Variants in TTC8 observed in about 807,000 individuals in gnomAD.
TTC8 encodes the protein tetratricopeptide repeat protein 8.
Under a neutral mutation model 72.5 loss-of-function variants are expected in TTC8, and 47 were observed. The ratio of observed to expected loss-of-function variants is 0.65; its 90% CI spans 0.51 to 0.83. TTC8 has a LOEUF of 0.83. Among genes scored for constraint, TTC8 ranks in the 40% least tolerant of loss-of-function variants. The pLI is 0.00. For missense variants in TTC8, 611 were observed against 623.2 expected (o/e 0.98, Z 0.21); for synonymous variants, 199 against 221.4 (o/e 0.90, Z 0.90).
At chr14:88,827,530 G>A (rs1004347810) in intron 1 of TTC8, among the ~76,000 whole-genome samples, 2 of 152,108 alleles carry the variant, frequency 1.3e-5, no homozygotes, top group African/African-American at 2.4e-5. Flanking sequence ...AGGAATAGAC[G>A]TTTAACTTGA....
chr14:88,853,136 G>A (rs74075892), intron 8 of TTC8, 80 bp downstream of exon 8: 51 of 1,002,870 alleles, frequency 5.1e-5, no homozygotes, highest in Admixed American at 9.1e-5. Context: ...TGAGGGGGGG[G>A]AGATTTTCCC....
Position 88,871,802 on chromosome 14 carries a change from A to C in TTC8, c.1224+79A>C. On this transcript the variant is annotated intron_variant, in intron 12 of 14. Coordinates refer to ENST00000380656, the MANE Select transcript of TTC8 (RefSeq NM_144596.4). This position sits in a 1 kb window ranked among gnomAD's most constrained non-coding sequence, Gnocchi z 4.1. ...CACAGTGGCTCATGCCTATAATTCC[A>C]GCATTTTGGGAGGCTGAAGCAGGAG... is the stretch of plus-strand genomic sequence containing the variant. 2.0e-6 allele frequency: 3 copies of C among 1,529,010 alleles called. No individual in the cohort carries two copies. Among genetic ancestry groups the C allele is most frequent in the Non-Finnish European group, 2.7e-6 (3 of 1,106,496 alleles). 94.7% of individuals were successfully genotyped at this position (1,529,010 alleles called of 1,614,324 possible).
chr14:88,846,374 A>AG (rs2094806691), intron 7 of TTC8, among the ~76,000 whole-genome samples: 1 of 152,108 alleles, frequency 6.6e-6, no homozygotes, highest in African/African-American at 2.4e-5. Context: ...ACCTCAATGA[A>AG]GGGGGACAGG....
rs575960949 is a variant in TTC8, at chr14:88,871,657, C to T, written c.1158C>T (p.Ala386=). 8.7e-6 allele frequency: 14 copies of T among 1,614,066 alleles called. No homozygotes were observed. In the South Asian group the frequency reaches 1.3e-4, roughly 15 times the overall value. The change falls in exon 12 of 15, where the codon GCC becomes GCT. Residue 386 remains alanine (A), a synonymous_variant. Transcript: ENST00000380656. The surrounding 1 kb of genome is among the most constrained non-coding windows in gnomAD (Gnocchi z 4.1). The stretch of plus-strand genomic sequence containing the variant: ...TGACTCTGACCTCATTTGAACGTGC[C>T]CTTTCTTTGGCTGAAAATGAAGAAG... ...YDMTLTSFER[A]LSLAENEEEA... is the part of the protein sequence containing the mutation.
At chr14:88,845,603 G>T (rs551610090) in intron 7 of TTC8, among the ~76,000 whole-genome samples, 2 of 152,072 alleles carry the variant, frequency 1.3e-5, no homozygotes, top group Admixed American at 1.3e-4. Flanking sequence ...AGCTGGTGAG[G>T]GGCTTTCAGC....
chr14:88,825,803 TGG>T (rs1337158587), intron 1 of TTC8, among the ~76,000 whole-genome samples: 1 of 152,064 alleles, frequency 6.6e-6, no homozygotes, highest in East Asian at 1.9e-4. Flanking sequence ...TCCCAGCAAA[TGG>T]ATGATGGATG....
intron 10 of TTC8, among the ~76,000 whole-genome samples, chr14:88,865,133 A>AG (rs1275055402): frequency 2.0e-5 from 3 of 152,326 alleles, no homozygotes; most frequent in Middle Eastern, 3.4e-3. Flanking sequence ...TTTCAAAGAC[A>AG]GGTCTTAATT....
rs147827911 is a variant in TTC8 at position 88,851,144 on chromosome 14, G to A, written c.625-1827G>A. Among the ~76,000 whole-genome samples, 285 of 152,114 alleles carry A rather than the reference G, an allele frequency of 1.9e-3. 1 individual carries two copies. The highest frequency in any genetic ancestry group is 3.2e-3 in the Admixed American group (49 of 15,270). The stretch of plus-strand genomic sequence containing the variant: ...CTAGAGTCAGATTGGAAAATAGGCT[G>A]CATTATACCAGCTTAGTTTAAAAAA... On this transcript the variant is annotated intron_variant, in intron 7 of 14. Coordinates refer to ENST00000380656, the MANE Select transcript of TTC8 (RefSeq NM_144596.4).
At chr14:88,826,700 G>A (rs2094702920) in intron 1 of TTC8, among the ~76,000 whole-genome samples, 1 of 152,106 alleles carries the variant, frequency 6.6e-6, no homozygotes, top group Admixed American at 6.5e-5. Context: ...GCGACAGAGA[G>A]ACTCTGTCTC....
At chr14:88,864,303 T>C (rs2094900645) in intron 10 of TTC8, among the ~76,000 whole-genome samples, 1 of 152,230 alleles carries the variant, frequency 6.6e-6, no homozygotes, top group South Asian at 2.1e-4. Context: ...GGACTCTAAA[T>C]TGAGTATGAA....
upstream of TTC8, chr14:88,824,179 T>A (rs1356009142): frequency 6.6e-6 from 1 of 152,372 alleles, no homozygotes; most frequent in Non-Finnish European, 1.5e-5. Context: ...GCGGACAATT[T>A]CAGGATTTAG....
At chr14:88,858,854 A>G (rs1413299847) in intron 9 of TTC8, among the ~76,000 whole-genome samples, 2 of 142,540 alleles carry the variant, frequency 1.4e-5, no homozygotes, top group Non-Finnish European at 3.0e-5. Context: ...CTCTGGCCTC[A>G]GCCTACCAAA....
chr14:88,855,996 A>T (rs2094854152), intron 8 of TTC8, among the ~76,000 whole-genome samples: 1 of 152,208 alleles, frequency 6.6e-6, no homozygotes, highest in African/African-American at 2.4e-5. Context: ...AAGACAGAGG[A>T]TTGCTTGAGC....
chr14:88,869,216 T>C (rs1199991867), intron 10 of TTC8, among the ~76,000 whole-genome samples: 1 of 152,208 alleles, frequency 6.6e-6, no homozygotes, highest in Admixed American at 6.5e-5. Flanking sequence ...GCCTTGAAGG[T>C]GGACTTGAGA....
chr14:88,827,333 G>T (rs1215462685), intron 1 of TTC8, among the ~76,000 whole-genome samples: 1 of 152,184 alleles, frequency 6.6e-6, no homozygotes, highest in Non-Finnish European at 1.5e-5. Flanking sequence ...ATGAGCAAGG[G>T]TTGATATGTT....
intron 1 of TTC8, among the ~76,000 whole-genome samples, chr14:88,826,125 C>T (rs1364167632): frequency 6.6e-6 from 1 of 151,736 alleles, no homozygotes; most frequent in Non-Finnish European, 1.5e-5. Context: ...GTAGCTGGGA[C>T]TACAGTTACG....
rs1262528240 is a variant in TTC8 at position 88,841,051 on chromosome 14, C to A, written c.344C>A (p.Ala115Asp). 6.2e-7 allele frequency: 1 copy of A among 1,614,100 alleles called. No individual in the cohort carries two copies. The highest frequency in any genetic ancestry group is 8.5e-7 in the Non-Finnish European group (1 of 1,179,992). The change falls in exon 5 of 15, where the codon GCT becomes GAT. Residue 115 changes from alanine (A) to aspartate (D), a missense_variant. Transcript: ENST00000380656. ...AATCTTCACAGGCCAATCACACAAGCTGGAAGACCCATTACAGGTTTCCTC... is the reference window on the plus strand; with the variant it reads ...AATCTTCACAGGCCAATCACACAAGATGGAAGACCCATTACAGGTTTCCTC... ...PSQAVRPITQ[A>D]GRPITGFLRP... is the part of the protein sequence containing the mutation.
intron 8 of TTC8, among the ~76,000 whole-genome samples, chr14:88,856,873 AT>A (rs2094858447): frequency 6.6e-6 from 1 of 152,168 alleles, no homozygotes; most frequent in African/African-American, 2.4e-5. Flanking sequence ...CACTTGCCAT[AT>A]GTCCAGCTGA....
At chr14:88,850,338 C>T (rs1024577505) in intron 7 of TTC8, among the ~76,000 whole-genome samples, 1 of 152,176 alleles carries the variant, frequency 6.6e-6, no homozygotes, top group Non-Finnish European at 1.5e-5. Context: ...TCCAGAACAA[C>T]AGCACAGATG....
Sources: allele counts gnomAD v4.1 joint callset (sites outside exome capture counted in the v4.1 genomes callset), GRCh38; gene constraint gnomAD v4.1.1; non-coding constraint Gnocchi (gnomAD v3.1); transcripts MANE v1.5; gene names NCBI Gene and HGNC (gene_info 2026-07-23, HGNC 2026-07-21).